GULP1: variants seen among roughly 807,000 people sequenced by gnomAD.
GULP1 encodes the protein PTB domain-containing engulfment adapter protein 1.
Under a neutral mutation model 40.9 loss-of-function variants are expected in GULP1, and 19 were observed. The ratio of observed to expected loss-of-function variants is 0.46; its 90% CI spans 0.32 to 0.68. The LOEUF (loss-of-function observed/expected upper bound fraction) is 0.68. Ranked by LOEUF, GULP1 falls within the 30% of genes least tolerant of loss-of-function variation. The pLI is 0.03. For synonymous variants in GULP1, 119 were observed against 117.6 expected (o/e 1.01, Z -0.08); for missense variants, 312 against 362.2 (o/e 0.86, Z 1.12).
At chr2:188,367,589 C>T (rs976861762) in intron 1 of GULP1, among the ~76,000 whole-genome samples, 1 of 152,164 alleles carries the variant, frequency 6.6e-6, no homozygotes, top group Admixed American at 6.5e-5. Flanking sequence ...TGTCAAGTTT[C>T]AGTTTCTGGA....
intron 1 of GULP1, among the ~76,000 whole-genome samples, chr2:188,344,250 A>G (rs982019410): frequency 8.5e-5 from 13 of 152,238 alleles, no homozygotes. Flanking sequence ...CAGTAAGCAT[A>G]TGAAAGAATT....
chr2:188,296,873 C>T (rs2035062929), intron 1 of GULP1, among the ~76,000 whole-genome samples: 1 of 151,842 alleles, frequency 6.6e-6, no homozygotes, highest in Admixed American at 6.6e-5. Flanking sequence ...CAGAATAGAC[C>T]TTAGAAACTT....
At chr2:188,368,923 G>A (rs10173225) in intron 1 of GULP1, among the ~76,000 whole-genome samples, 14,343 of 105,848 alleles carry the variant, frequency 0.14, 1,282 homozygotes, top group South Asian at 0.21. Flanking sequence ...ATATATATAT[G>A]TATATATATA....
At chr2:188,581,575 G>A (rs542593988) in intron 9 of GULP1, among the ~76,000 whole-genome samples, 22 of 152,274 alleles carry the variant, frequency 1.4e-4, no homozygotes, top group African/African-American at 4.8e-4. Flanking sequence ...AATGGAAATA[G>A]CCCCTAAAAG....
chr2:188,338,646 A>G (rs760977750), intron 1 of GULP1, among the ~76,000 whole-genome samples: 8 of 152,142 alleles, frequency 5.3e-5, no homozygotes, highest in Non-Finnish European at 1.2e-4. Flanking sequence ...TAATACTTTC[A>G]ATAAAATATG....
intron 4 of GULP1, among the ~76,000 whole-genome samples, chr2:188,493,473 T>C (rs544306836): frequency 2.0e-5 from 3 of 152,198 alleles, no homozygotes; most frequent in East Asian, 3.9e-4. Flanking sequence ...TTTCTTCTTT[T>C]TTCTACTCCC....
chr2:188,416,352 C>G (rs2054579189), intron 2 of GULP1, among the ~76,000 whole-genome samples: 1 of 152,034 alleles, frequency 6.6e-6, no homozygotes, highest in Non-Finnish European at 1.5e-5. Flanking sequence ...TGTAAGTATT[C>G]TAAAAATCAT....
intron 2 of GULP1, among the ~76,000 whole-genome samples, chr2:188,442,520 T>A (rs182869117): frequency 3.6e-4 from 55 of 152,374 alleles, no homozygotes; most frequent in Middle Eastern, 3.4e-3. Flanking sequence ...TTGAAAAATA[T>A]GTAAATTACC....
chr2:188,579,225 T>A (rs1351009796), intron 9 of GULP1, among the ~76,000 whole-genome samples: 1 of 151,860 alleles, frequency 6.6e-6, no homozygotes, highest in African/African-American at 2.4e-5. Context: ...ATGGTAGGAG[T>A]GATAAATTTG....
intron 6 of GULP1, among the ~76,000 whole-genome samples, chr2:188,539,886 G>A (rs1390891550): frequency 1.3e-5 from 2 of 152,022 alleles, no homozygotes; most frequent in African/African-American, 2.4e-5. Flanking sequence ...TTCTTATCTT[G>A]AACAAAATCT....
At chr2:188,558,669 T>G (rs1695478254) in intron 7 of GULP1, among the ~76,000 whole-genome samples, 1 of 152,276 alleles carries the variant, frequency 6.6e-6, no homozygotes, top group South Asian at 2.1e-4. Context: ...TCCTGGAGAC[T>G]TGTTGAATGG....
chr2:188,562,667 C>G (rs962836494), intron 7 of GULP1, among the ~76,000 whole-genome samples: 51 of 151,986 alleles, frequency 3.4e-4, no homozygotes, highest in African/African-American at 1.2e-3. Flanking sequence ...AAAAAACCCC[C>G]AAAACCCAAT....
At chr2:188,583,183 TAAAG>T (rs1239739989) in intron 9 of GULP1, among the ~76,000 whole-genome samples, 3 of 152,010 alleles carry the variant, frequency 2.0e-5, no homozygotes, top group Non-Finnish European at 4.4e-5. Flanking sequence ...AACAAATTGT[TAAAG>T]AAAGGGGGAT....
chr2:188,572,836 G>T (rs1046150869), intron 9 of GULP1, among the ~76,000 whole-genome samples: 1 of 152,174 alleles, frequency 6.6e-6, no homozygotes, highest in Non-Finnish European at 1.5e-5. Flanking sequence ...GAGTAGACTA[G>T]TGGTTGCTGG....
chr2:188,570,159 G>A, intron 9 of GULP1, 39 bp downstream of exon 9: 1 of 823,104 alleles, frequency 1.2e-6, no homozygotes, highest in Non-Finnish European at 2.0e-6. Context: ...AGATTTTATG[G>A]TGATAAAACA....
chr2:188,534,966 G>A (rs1234533796), intron 6 of GULP1, among the ~76,000 whole-genome samples: 1 of 151,262 alleles, frequency 6.6e-6, no homozygotes, highest in East Asian at 1.9e-4. Context: ...TTTCTTTCCT[G>A]TCCACAAGTC....
At chr2:188,468,741 C>T (rs1438564988) in intron 2 of GULP1, among the ~76,000 whole-genome samples, 2 of 151,942 alleles carry the variant, frequency 1.3e-5, no homozygotes, top group African/African-American at 2.4e-5. Flanking sequence ...AGAAATCTTT[C>T]CAAATATGAT....
chr2:188,537,842 T>A (rs1469185528), intron 6 of GULP1, among the ~76,000 whole-genome samples: 1 of 152,062 alleles, frequency 6.6e-6, no homozygotes, highest in Admixed American at 6.6e-5. Flanking sequence ...GTAGATTTTT[T>A]ATTACTGATT....
exon 12 of GULP1, chr2:188,595,922 ATAAAT>A (rs543942291): frequency 3.7e-3 from 566 of 152,456 alleles, 3 homozygotes; most frequent in Non-Finnish European, 5.8e-3. Context: ...ATGATTTTAA[ATAAAT>A]TAAATTGCAT....
Sources: allele counts gnomAD v4.1 joint callset (sites outside exome capture counted in the v4.1 genomes callset), GRCh38; gene constraint gnomAD v4.1.1; transcripts MANE v1.5; gene names NCBI Gene and HGNC (gene_info 2026-07-23, HGNC 2026-07-21).